CARMIL3: variants seen among roughly 807,000 people sequenced by gnomAD.
CARMIL3 encodes the protein capping protein regulator and myosin 1 linker 3.
A neutral mutation model predicts 180.8 loss-of-function variants in CARMIL3; 88 were observed. The ratio of observed to expected loss-of-function variants is 0.49; its 90% confidence interval spans 0.41 to 0.58. The LOEUF is 0.58. Ranked by LOEUF, CARMIL3 falls within the 20% of genes least tolerant of loss-of-function variation. The probability of loss-of-function intolerance (pLI) is 0.00; values close to 1 mark genes in which losing one functional copy is unlikely to be tolerated. For missense variants in CARMIL3, 1,548 were observed against 1,787.0 expected (o/e 0.87, Z 2.41); for synonymous variants, 696 against 714.5 (o/e 0.97, Z 0.41).
At chr14:24,066,025 T>C (rs1242602017) in intron 34 of CARMIL3, among the ~76,000 whole-genome samples, 1 of 152,182 alleles carries the variant, frequency 6.6e-6, no homozygotes, top group Non-Finnish European at 1.5e-5. Context: ...GTGACTTGAT[T>C]ATAACCTTTG....
intron 24 of CARMIL3, 46 bp downstream of exon 24, chr14:24,060,301 G>C: frequency 6.3e-7 from 1 of 1,596,456 alleles, no homozygotes. Context: ...GGGCATGCAG[G>C]GCACAGTGTG....
At chr14:24,066,752 C>A in intron 36 of CARMIL3, 96 bp downstream of exon 36, 2 of 1,254,322 alleles carry the variant, frequency 1.6e-6, no homozygotes, top group Non-Finnish European at 2.3e-6. Flanking sequence ...AATTTATGGC[C>A]AAGGTGGGGC....
rs769195110 is a variant in CARMIL3, at chr14:24,058,772, G to A, written c.1474+11G>A. Reference sequence around the variant, plus strand: ...ATCTGTCAGACAATGGTGAGTAGTGGTTCCTCCCTTCCCTGGGGCCAGGGG... The same window carrying A: ...ATCTGTCAGACAATGGTGAGTAGTGATTCCTCCCTTCCCTGGGGCCAGGGG... On this transcript the variant is annotated intron_variant, in intron 18 of 39. Coordinates refer to ENST00000342740, the MANE Select transcript of CARMIL3 (RefSeq NM_138360.4). The surrounding 1 kb of genome is among the most constrained non-coding windows in gnomAD (Gnocchi z 6.4). The A allele has an allele frequency of 1.2e-6, 2 of 1,614,042 alleles. No individual in the cohort carries two copies. The highest frequency in any genetic ancestry group is 3.3e-5 in the Admixed American group (2 of 60,018).
chr14:24,065,484 G>T lies in CARMIL3; in HGVS notation c.3397-138G>T. ...CTATATGCGAATGCAGGCGTTGGAA[G>T]GACTCTTCAGAGGGTCTCTGCAGGG... is the stretch of plus-strand genomic sequence containing the variant. On this transcript the variant is annotated intron_variant, in intron 33 of 39. Transcript: ENST00000342740. 3.1e-6 allele frequency: 4 copies of T among 1,306,818 alleles called. No individual in the cohort carries two copies. The Admixed American group carries it at 9.7e-5, about 32-fold the overall frequency. 81.0% of individuals were successfully genotyped at this position (1,306,818 alleles called of 1,614,324 possible).
In CARMIL3 at chr14:24,063,500, C is replaced by CA; in HGVS notation, c.2947dup (p.Arg983LysfsTer29). 1 of 1,613,288 alleles carries CA rather than the reference C, an allele frequency of 6.2e-7. No individual in the cohort carries two copies. Among genetic ancestry groups the CA allele is most frequent in the Non-Finnish European group, 8.5e-7 (1 of 1,179,912 alleles). On this transcript the variant is annotated frameshift_variant, in exon 31 of 40. Transcript: ENST00000342740. LOFTEE classifies it high-confidence loss of function. ...AAACACAAGGGAGGCCCCGCCCCCC[C>CA]AGGACCACACCTCCAGGACCTGGTC... is the stretch of plus-strand genomic sequence containing the variant.
rs757970529 is a variant in CARMIL3, at chr14:24,062,852, C to G, written c.2706+6C>G. 12 of 1,597,772 alleles carry G rather than the reference C, an allele frequency of 7.5e-6. No homozygotes were observed. The East Asian group carries it at 2.2e-4, about 30-fold the overall frequency. ...ATGAACTTGGGACCAACATTGTGAG[C>G]CCCCCGCTCCCTGCTCCTCCTTAAT... On this transcript the variant is annotated splice_donor_region_variant and intron_variant, in intron 29 of 39. Transcript: ENST00000342740.
intron 34 of CARMIL3, among the ~76,000 whole-genome samples, chr14:24,066,050 CT>C (rs1404208466): frequency 6.6e-6 from 1 of 152,158 alleles, no homozygotes; most frequent in Non-Finnish European, 1.5e-5. Context: ...TGATTTTTAC[CT>C]GAATTATTAC....
rs1295518114 is a variant in CARMIL3, at chr14:24,069,604, C to G, written c.*200C>G. ...AGACGGAGGCTGTCAGTGCCTGCCT[C>G]GATACCTCTCTCTGCAGAGAGCTTC... is the stretch of plus-strand genomic sequence containing the variant. On this transcript the variant is annotated 3_prime_UTR_variant, in exon 40 of 40. Coordinates refer to ENST00000342740, the MANE Select transcript of CARMIL3 (RefSeq NM_138360.4). 2 of 622,710 alleles carry G rather than the reference C, an allele frequency of 3.2e-6. No homozygotes were observed. Among genetic ancestry groups the G allele is most frequent in the South Asian group, 2.0e-5 (1 of 50,456 alleles). 38.6% of individuals were successfully genotyped at this position (622,710 alleles called of 1,614,324 possible).
At chr14:24,063,094 C>T (rs746561541) in intron 29 of CARMIL3, 26 bp from the exon 30 acceptor site, 2 of 1,607,640 alleles carry the variant, frequency 1.2e-6, no homozygotes, top group South Asian at 2.2e-5. Context: ...GGTGCCTGGC[C>T]CTGCCACTCG....
intron 32 of CARMIL3, among the ~76,000 whole-genome samples, chr14:24,064,687 C>G (rs1371358285): frequency 6.6e-6 from 1 of 152,176 alleles, no homozygotes; most frequent in Non-Finnish European, 1.5e-5. Flanking sequence ...GTCCTGCAGA[C>G]TGCCCAGGGT....
At position 24,062,851 on chromosome 14, in the gene CARMIL3, G is replaced by GC; in HGVS notation, c.2706+11dup. The GC allele has an allele frequency of 6.2e-7, 1 of 1,601,682 alleles. No individual in the cohort carries two copies. The highest frequency in any genetic ancestry group is 2.2e-5 in the East Asian group (1 of 44,842). ...GATGAACTTGGGACCAACATTGTGA[G>GC]CCCCCCGCTCCCTGCTCCTCCTTAA... is the stretch of plus-strand genomic sequence containing the variant. On this transcript the variant is annotated splice_donor_region_variant and intron_variant, in intron 29 of 39. Coordinates refer to ENST00000342740, the MANE Select transcript of CARMIL3 (RefSeq NM_138360.4).
chr14:24,063,419 T>C lies in CARMIL3; in HGVS notation c.2865T>C (p.Ser955=). Residue 955 remains serine, a synonymous_variant, in exon 31 of 40, where the codon AGT becomes AGC. Transcript: ENST00000342740. ...TTGGGGGCAGCCAGCCCACAGCTAG[T>C]GGCTCCTGGGAAGGTCTATCTGAGC... ...SGLGGSQPTA[S]GSWEGLSELP... is the part of the protein sequence containing the mutation. 1.9e-6 allele frequency: 3 copies of C among 1,613,922 alleles called. No individual in the cohort carries two copies. Among genetic ancestry groups the C allele is most frequent in the Non-Finnish European group, 1.7e-6 (2 of 1,180,000 alleles).
In CARMIL3 at chr14:24,061,110, A is replaced by G. The variant is rs1439199577; in HGVS notation, c.2304+70A>G. On this transcript the variant is annotated intron_variant, in intron 26 of 39. Coordinates refer to ENST00000342740, the MANE Select transcript of CARMIL3 (RefSeq NM_138360.4). This position sits in a 1 kb window ranked among gnomAD's most constrained non-coding sequence, Gnocchi z 4.1. ...TGACTGAGGCCCTAAGCCCAGAGCTAAAGTCAGAGCTGGGAGACTTCTGGA... is the reference window on the plus strand; with the variant it reads ...TGACTGAGGCCCTAAGCCCAGAGCTGAAGTCAGAGCTGGGAGACTTCTGGA... 2.1e-6 allele frequency: 3 copies of G among 1,395,740 alleles called. No individual in the cohort carries two copies. Among genetic ancestry groups the G allele is most frequent in the South Asian group, 1.3e-5 (1 of 79,044 alleles). The allele number at this position is 1,395,740 out of a possible 1,614,324, so 86.5% of individuals were successfully genotyped here. A position where few individuals can be genotyped will look rare whatever the true frequency, so the allele number is the denominator to read the frequency against.
At chr14:24,053,927 G>C (rs2035644480) in intron 2 of CARMIL3, 124 bp downstream of exon 2, 3 of 1,149,600 alleles carry the variant, frequency 2.6e-6, no homozygotes, top group East Asian at 2.6e-5. Flanking sequence ...ACAAAACCTG[G>C]GGGGAGGAGG....
Position 24,069,533 on chromosome 14 carries a change from T to C in CARMIL3, c.*129T>C, listed in dbSNP as rs1414119542. ...AGGGGCAAGACGGCAGGACCAGGCA[T>C]GGGGGAGCTGGAGGCAGGGACTAGA... On this transcript the variant is annotated 3_prime_UTR_variant, in exon 40 of 40. Coordinates refer to ENST00000342740, the MANE Select transcript of CARMIL3 (RefSeq NM_138360.4). The C allele has an allele frequency of 1.6e-6, 2 of 1,234,102 alleles. No homozygotes were observed. The highest frequency in any genetic ancestry group is 2.5e-5 in the East Asian group (1 of 39,898). 76.4% of individuals were successfully genotyped at this position (1,234,102 alleles called of 1,614,324 possible).
At chr14:24,055,481 CTCT>C in intron 8 of CARMIL3, 59 bp from the exon 9 acceptor site, 1 of 1,584,582 alleles carries the variant, frequency 6.3e-7, no homozygotes, top group Non-Finnish European at 8.7e-7. Flanking sequence ...TATCCTTGGT[CTCT>C]TCTTTTCTGA....
In CARMIL3 at chr14:24,053,699, C is replaced by T. The variant is rs754111941; in HGVS notation, c.41-10C>T. On this transcript the variant is annotated splice_polypyrimidine_tract_variant and intron_variant, in intron 1 of 39. Coordinates refer to ENST00000342740, the MANE Select transcript of CARMIL3 (RefSeq NM_138360.4). The stretch of plus-strand genomic sequence containing the variant: ...GGTGAAGCTCTGAGCAGGCTCCCAC[C>T]CCCCCTCAGACAGCATCCGGAGGTG... 7 of 1,600,410 alleles carry T rather than the reference C, an allele frequency of 4.4e-6. No homozygotes were observed. The highest frequency in any genetic ancestry group is 6.0e-6 in the Non-Finnish European group (7 of 1,172,170).
In CARMIL3 at chr14:24,059,823, T is replaced by G. The variant is rs575372736; in HGVS notation, c.1868+91T>G. The G allele has an allele frequency of 5.2e-6, 8 of 1,538,190 alleles. No individual in the cohort carries two copies. Among genetic ancestry groups the G allele is most frequent in the Middle Eastern group, 1.7e-4 (1 of 5,912 alleles). ...ACTACTCTTGCCCCACCCTAGCCCC[T>G]TTGACCTATTTGCACAGAAATTTTA... On this transcript the variant is annotated intron_variant, in intron 22 of 39. Transcript: ENST00000342740. This position sits in a 1 kb window ranked among gnomAD's most constrained non-coding sequence, Gnocchi z 6.3.
rs2035733146 is a variant in CARMIL3, at chr14:24,061,512, A to G, written c.2320A>G (p.Met774Val). Residue 774 changes from methionine (M) to valine (V), a missense_variant, in exon 27 of 40, where the codon ATG (methionine) becomes GTG (valine). Transcript: ENST00000342740. The surrounding 1 kb of genome is among the most constrained non-coding windows in gnomAD (Gnocchi z 4.1). Reference protein sequence around the residue: ...DKELQVILESMVSLTQELCPV... With the variant: ...DKELQVILESVVSLTQELCPV... Reference sequence around the variant, plus strand: ...CCCATACTAGGTGATCCTGGAGTCCATGGTCAGCCTGACACAGGAGTTATG... The same window carrying G: ...CCCATACTAGGTGATCCTGGAGTCCGTGGTCAGCCTGACACAGGAGTTATG... 2 of 1,613,488 alleles carry G rather than the reference A, an allele frequency of 1.2e-6. No individual in the cohort carries two copies.
Sources: gnomAD v4.1 joint callset for allele counts (sites outside exome capture counted in the v4.1 genomes callset) on GRCh38, gnomAD v4.1.1 for gene constraint, Gnocchi (gnomAD v3.1) non-coding constraint, MANE v1.5 for transcripts, NCBI Gene and HGNC (gene_info 2026-07-23, HGNC 2026-07-21) for gene names.